Variants in TRPM3 observed in about 807,000 individuals in gnomAD.
TRPM3 encodes the protein long transient receptor potential channel 3.
In TRPM3, 77 loss-of-function variants were observed where a neutral mutation model predicts 181.2. That is an observed-to-expected ratio of 0.42 (90% CI 0.35 to 0.51). The LOEUF (loss-of-function observed/expected upper bound fraction) is 0.51. Ranked by LOEUF, TRPM3 falls within the 20% of genes least tolerant of loss-of-function variation. The probability of loss-of-function intolerance (pLI) is 0.01; values close to 1 mark genes in which losing one functional copy is unlikely to be tolerated. For synonymous variants in TRPM3, 745 were observed against 796.4 expected (o/e 0.94, Z 1.09); for missense variants, 1,759 against 2,196.7 (o/e 0.80, Z 3.98).
At chr9:71,426,287 C>CT (rs11431412) in intron 1 of TRPM3, among the ~76,000 whole-genome samples, 128,050 of 147,650 alleles carry the variant, frequency 0.87, 55,480 homozygotes, top group East Asian at 0.91. Context: ...CCCAGCAACT[C>CT]TTTTTTTTTT....
rs758234785 is a variant in TRPM3 at position 70,537,069 on chromosome 9, G to T, written c.4044C>A (p.Ser1348Arg). 1 of 1,612,242 alleles carries T rather than the reference G, an allele frequency of 6.2e-7. No homozygotes were observed. The highest frequency in any genetic ancestry group is 1.7e-5 in the Admixed American group (1 of 59,994). Residue 1348 changes from serine to arginine, a missense_variant, in exon 26 of 26, where the codon AGC becomes AGA. Around this residue, in one of 8 missense-constraint regions of TRPM3, gnomAD observed 612 missense variants for 590.0 expected, o/e 1.04. Coordinates refer to ENST00000677713, the MANE Select transcript of TRPM3 (RefSeq NM_001366145.2). The stretch of plus-strand genomic sequence containing the variant: ...TCATATTGACCGAATAGAAAGAATG[G>T]CTTCGCATACGGGGCATTAAGGTTG... ...TSPTLMPRMR[S>R]HSFYSVNMKD...
intron 1 of TRPM3, among the ~76,000 whole-genome samples, chr9:71,275,170 A>G (rs184953026): frequency 5.9e-5 from 9 of 152,356 alleles, no homozygotes; most frequent in African/African-American, 2.2e-4. Flanking sequence ...TCTTCCAACG[A>G]ATTATGACTT....
intron 1 of TRPM3, among the ~76,000 whole-genome samples, chr9:71,219,330 T>C (rs2131841156): frequency 6.6e-6 from 1 of 152,302 alleles, no homozygotes; most frequent in South Asian, 2.1e-4. Flanking sequence ...GCTTTAATCT[T>C]TTAAATAGTA....
intron 1 of TRPM3, among the ~76,000 whole-genome samples, chr9:71,347,076 T>C (rs1391459085): frequency 6.6e-6 from 1 of 152,236 alleles, no homozygotes. Flanking sequence ...GTGCTGACTA[T>C]ATATTCTGCT....
chr9:70,997,287 C>T (rs898059621), intron 1 of TRPM3, among the ~76,000 whole-genome samples: 2 of 152,182 alleles, frequency 1.3e-5, no homozygotes, highest in African/African-American at 2.4e-5. Context: ...CAGGCTCCGC[C>T]TCCTGGGTTC....
intron 1 of TRPM3, among the ~76,000 whole-genome samples, chr9:71,192,266 G>A (rs192077699): frequency 2.2e-3 from 339 of 151,882 alleles, no homozygotes; most frequent in Middle Eastern, 3.4e-3. Context: ...TGAGAAGAGA[G>A]TTTGAATGAA....
chr9:71,186,575 T>TA lies in TRPM3; in HGVS notation c.183+260077dup, dbSNP rs755580200. ...CTGATGTCCAAAGATGCACTGTATG[T>TA]AAAAAAATACACAAATAAATCATGG... On this transcript the variant is annotated intron_variant, in intron 1 of 24. Coordinates refer to the TRPM3 transcript ENST00000357533. 3.3e-5 allele frequency among the ~76,000 whole-genome samples: 5 copies of TA among 151,912 alleles called. No individual in the cohort carries two copies. The South Asian group carries it at 8.3e-4, about 25-fold the overall frequency.
chr9:70,845,823 G>A (rs936949965), intron 4 of TRPM3, among the ~76,000 whole-genome samples: 28 of 152,140 alleles, frequency 1.8e-4, no homozygotes, highest in Non-Finnish European at 2.5e-4. Flanking sequence ...TTGAGAATGC[G>A]TCTATATCAC....
chr9:70,626,106 G>A (rs2064545147), intron 12 of TRPM3, among the ~76,000 whole-genome samples: 1 of 152,022 alleles, frequency 6.6e-6, no homozygotes, highest in Non-Finnish European at 1.5e-5. Context: ...TAGAGTTATG[G>A]TGTCTTTTTT....
At chr9:70,568,083 T>A (rs10780948) in intron 22 of TRPM3, among the ~76,000 whole-genome samples, 66,184 of 151,990 alleles carry the variant, frequency 0.44, 15,260 homozygotes, top group East Asian at 0.57. Context: ...GAATTGGATA[T>A]GTGAACTGGC....
intron 1 of TRPM3, among the ~76,000 whole-genome samples, chr9:71,023,022 TTTC>T (rs2097859196): frequency 6.6e-6 from 1 of 152,074 alleles, no homozygotes. Context: ...ATTAAACATT[TTTC>T]TTCTTTAAAA....
intron 1 of TRPM3, among the ~76,000 whole-genome samples, chr9:71,062,867 C>T (rs1380166390): frequency 6.6e-6 from 1 of 152,068 alleles, no homozygotes; most frequent in Non-Finnish European, 1.5e-5. Context: ...AGAAGACTCT[C>T]ACCAAATGTG....
chr9:71,000,569 C>A (rs1590464403), intron 1 of TRPM3, among the ~76,000 whole-genome samples: 1 of 152,156 alleles, frequency 6.6e-6, no homozygotes, highest in Non-Finnish European at 1.5e-5. Context: ...TGACTTTTCT[C>A]TGGAAGTTAA....
intron 1 of TRPM3, among the ~76,000 whole-genome samples, chr9:71,148,345 T>C (rs963326561): frequency 2.6e-5 from 4 of 152,176 alleles, no homozygotes; most frequent in African/African-American, 9.6e-5. Context: ...ATAAATAACA[T>C]TGGAAATAAT....
At chr9:70,869,627 G>A (rs1589417934) in intron 1 of TRPM3, among the ~76,000 whole-genome samples, 3 of 152,018 alleles carry the variant, frequency 2.0e-5, no homozygotes, top group South Asian at 4.2e-4. Flanking sequence ...GGAGTTTGTC[G>A]GGGACCTTCG....
intron 4 of TRPM3, among the ~76,000 whole-genome samples, chr9:70,844,194 C>G (rs1237080814): frequency 6.6e-6 from 1 of 152,130 alleles, no homozygotes; most frequent in African/African-American, 2.4e-5. Flanking sequence ...GTGCGCTAAA[C>G]TAACTAAACA....
chr9:71,304,627 T>C (rs1479008273), intron 1 of TRPM3, among the ~76,000 whole-genome samples: 1 of 152,208 alleles, frequency 6.6e-6, no homozygotes, highest in African/African-American at 2.4e-5. Flanking sequence ...ATCATAGACA[T>C]GCCACATCAC....
chr9:70,993,898 C>T (rs185637464), intron 1 of TRPM3, among the ~76,000 whole-genome samples: 26 of 152,024 alleles, frequency 1.7e-4, no homozygotes, highest in African/African-American at 6.0e-4. Flanking sequence ...TAAGATTCCT[C>T]TCTCCTGGGG....
At chr9:71,030,384 G>A (rs1371484907) in intron 1 of TRPM3, among the ~76,000 whole-genome samples, 1 of 152,052 alleles carries the variant, frequency 6.6e-6, no homozygotes, top group African/African-American at 2.4e-5. Context: ...GGCCAGCAAG[G>A]TGAAACCCCA....
Sources: allele counts gnomAD v4.1 joint callset (sites outside exome capture counted in the v4.1 genomes callset), GRCh38; gene constraint gnomAD v4.1.1; regional missense constraint gnomAD v4.1.1; transcripts MANE v1.5; gene names NCBI Gene and HGNC (gene_info 2026-07-23, HGNC 2026-07-21).